The following NRG3 variants were observed in gnomAD, a reference collection of about 807,000 sequenced individuals.
NRG3 encodes the protein pro-neuregulin-3, membrane-bound isoform.
Under a neutral mutation model 66.9 loss-of-function variants are expected in NRG3, and 31 were observed. The observed-to-expected ratio is 0.46, with a 90% CI of 0.35 to 0.63. The LOEUF is 0.63. Among genes scored for constraint, NRG3 ranks in the 20% least tolerant of loss-of-function variants. NRG3 has a pLI of 0.00. For missense variants in NRG3, 910 were observed against 878.9 expected, an observed-to-expected ratio of 1.04 and a Z score of -0.45; for synonymous variants, 393 against 359.4, an observed-to-expected ratio of 1.09 and a Z score of -1.06.
At chr10:82,704,027 T>A (rs2051752775) in intron 2 of NRG3, among the ~76,000 whole-genome samples, 1 of 152,106 alleles carries the variant, frequency 6.6e-6, no homozygotes, top group South Asian at 2.1e-4. Context: ...CCACAAAGAA[T>A]CCTTTATCTT....
chr10:81,977,705 C>A (rs2347331), intron 1 of NRG3, among the ~76,000 whole-genome samples: 1 of 151,940 alleles, frequency 6.6e-6, no homozygotes, highest in Non-Finnish European at 1.5e-5. Flanking sequence ...TTTGAAAGTT[C>A]GTTTCTGGTC....
In NRG3 at chr10:82,558,620, A is replaced by G. The variant is rs571635741; in HGVS notation, c.954-179957A>G. Among the ~76,000 whole-genome samples, 45 of 152,328 alleles carry G rather than the reference A, an allele frequency of 3.0e-4. No individual in the cohort carries two copies. The South Asian group carries it at 8.1e-3, about 27-fold the overall frequency. On this transcript the variant is annotated intron_variant, in intron 2 of 8. Coordinates refer to ENST00000372141, the MANE Select transcript of NRG3 (RefSeq NM_001010848.4). ...AGGAAGAATGGGATAAACTATCTGAAGTCTACCTGATGTGCCAGAAATAAG... is the reference window on the plus strand; with the variant it reads ...AGGAAGAATGGGATAAACTATCTGAGGTCTACCTGATGTGCCAGAAATAAG...
chr10:82,481,791 C>A (rs924463019), intron 2 of NRG3, among the ~76,000 whole-genome samples: 5 of 152,040 alleles, frequency 3.3e-5, no homozygotes, highest in African/African-American at 1.2e-4. Flanking sequence ...TCAAAACCAG[C>A]CTGGCTAACA....
At chr10:82,455,504 TG>T (rs2091226183) in intron 2 of NRG3, among the ~76,000 whole-genome samples, 1 of 152,114 alleles carries the variant, frequency 6.6e-6, no homozygotes, top group African/African-American at 2.4e-5. Flanking sequence ...CTTGAAGGCC[TG>T]GAAGTTGCTG....
chr10:82,408,633 T>TTATATATATA (rs147352245), intron 2 of NRG3, among the ~76,000 whole-genome samples: 3 of 122,798 alleles, frequency 2.4e-5, no homozygotes, highest in African/African-American at 8.4e-5. Flanking sequence ...CATATATATA[T>TTATATATATA]TATATATATA....
At chr10:82,580,605 T>C (rs2046304644) in intron 2 of NRG3, among the ~76,000 whole-genome samples, 1 of 152,010 alleles carries the variant, frequency 6.6e-6, no homozygotes, top group Non-Finnish European at 1.5e-5. Context: ...ACTGTCTCTA[T>C]AGTTTTGCCC....
At chr10:82,431,870 A>T (rs377149477) in intron 2 of NRG3, among the ~76,000 whole-genome samples, 52 of 152,346 alleles carry the variant, frequency 3.4e-4, no homozygotes, top group African/African-American at 1.2e-3. Flanking sequence ...GAGTGATTTT[A>T]CATAGAAAGA....
At chr10:82,533,535 T>A (rs1180543727) in intron 2 of NRG3, among the ~76,000 whole-genome samples, 2 of 152,172 alleles carry the variant, frequency 1.3e-5, no homozygotes, top group African/African-American at 4.8e-5. Context: ...CAACACTATT[T>A]GTTAAAAAGA....
In NRG3 at chr10:82,393,997, C is replaced by A. The variant is rs529272939; in HGVS notation, c.953+35129C>A. ...TCCAATATCCTATGTATAATTGCACCTACACACTCCCATACAAATCCTAAT... is the reference window on the plus strand; with the variant it reads ...TCCAATATCCTATGTATAATTGCACATACACACTCCCATACAAATCCTAAT... On this transcript the variant is annotated intron_variant, in intron 2 of 8. Transcript: ENST00000372141. 3.3e-5 allele frequency among the ~76,000 whole-genome samples: 5 copies of A among 152,204 alleles called. No individual in the cohort carries two copies. The East Asian group carries it at 9.7e-4, about 29-fold the overall frequency.
intron 3 of NRG3, among the ~76,000 whole-genome samples, chr10:82,818,931 A>AG (rs995960591): frequency 3.9e-5 from 6 of 152,214 alleles, no homozygotes; most frequent in African/African-American, 1.4e-4. Flanking sequence ...AGAAAGTGTT[A>AG]TTGACCTGCT....
chr10:82,009,988 T>C (rs1470635300), intron 1 of NRG3, among the ~76,000 whole-genome samples: 1 of 152,200 alleles, frequency 6.6e-6, no homozygotes, highest in African/African-American at 2.4e-5. Flanking sequence ...GCTTGTCTTT[T>C]CTCTGCCCTG....
intron 1 of NRG3, among the ~76,000 whole-genome samples, chr10:81,972,444 A>G (rs541162813): frequency 6.6e-6 from 1 of 152,264 alleles, no homozygotes; most frequent in East Asian, 1.9e-4. Flanking sequence ...TTCAAAAATT[A>G]AGTACAAAGA....
At chr10:81,997,121 C>T (rs1038561049) in intron 1 of NRG3, among the ~76,000 whole-genome samples, 11 of 152,234 alleles carry the variant, frequency 7.2e-5, no homozygotes, top group South Asian at 2.1e-4. Flanking sequence ...TTGTATCTGG[C>T]GACTCATTCA....
chr10:82,023,480 G>A (rs1205435592), intron 1 of NRG3, among the ~76,000 whole-genome samples: 1 of 151,960 alleles, frequency 6.6e-6, no homozygotes, highest in Non-Finnish European at 1.5e-5. Flanking sequence ...TCAGTAAGAT[G>A]TTAACTATGG....
chr10:82,212,074 A>C (rs761244284), intron 1 of NRG3, among the ~76,000 whole-genome samples: 2 of 152,158 alleles, frequency 1.3e-5, no homozygotes, highest in Non-Finnish European at 2.9e-5. Flanking sequence ...CTTTGGACCA[A>C]GTCATTTCAG....
chr10:82,688,716 A>T (rs1250639654), intron 2 of NRG3, among the ~76,000 whole-genome samples: 1 of 151,948 alleles, frequency 6.6e-6, no homozygotes, highest in African/African-American at 2.4e-5. Context: ...AGTTTTATAA[A>T]TCATGTAGTT....
intron 1 of NRG3, among the ~76,000 whole-genome samples, chr10:81,940,159 G>A (rs891237633): frequency 6.6e-6 from 1 of 152,056 alleles, no homozygotes; most frequent in Non-Finnish European, 1.5e-5. Flanking sequence ...CTTCTTAAAT[G>A]TGTTAAGACT....
chr10:82,890,372 AC>A (rs978867016), intron 4 of NRG3, among the ~76,000 whole-genome samples: 4 of 152,076 alleles, frequency 2.6e-5, no homozygotes, highest in African/African-American at 9.7e-5. Flanking sequence ...CAAAACCATA[AC>A]CAAAACAAAA....
chr10:82,807,463 T>G lies in NRG3; in HGVS notation c.1028-57948T>G, dbSNP rs375746293. ...GTGTTGCTACTCATGTCCACCTATG[T>G]AAAGTTCAGAGGCCTCCATGAGTCC... On this transcript the variant is annotated intron_variant, in intron 3 of 8. Coordinates refer to ENST00000372141, the MANE Select transcript of NRG3 (RefSeq NM_001010848.4). Among the ~76,000 whole-genome samples the G allele has an allele frequency of 2.0e-5, 3 of 152,316 alleles. No individual in the cohort carries two copies. In the South Asian group the frequency reaches 6.2e-4, roughly 32 times the overall value.
Sources: allele counts gnomAD v4.1 joint callset (sites outside exome capture counted in the v4.1 genomes callset), GRCh38; gene constraint gnomAD v4.1.1; transcripts MANE v1.5; gene names NCBI Gene and HGNC (gene_info 2026-07-23, HGNC 2026-07-21).